The following PHRF1 variants were observed in gnomAD, a reference collection of about 807,000 sequenced individuals.
PHRF1 encodes PHD and ring finger domains 1.
Under a neutral mutation model 128.9 loss-of-function variants are expected in PHRF1, and 53 were observed. That is an observed-to-expected ratio of 0.41 (90% CI 0.33 to 0.52). The LOEUF (loss-of-function observed/expected upper bound fraction) is 0.52. Ranked by LOEUF, PHRF1 falls within the 20% of genes least tolerant of loss-of-function variation. The pLI is 0.21. For synonymous variants in PHRF1, 1,178 were observed against 980.6 expected (o/e 1.20, Z -3.76); for missense variants, 2,503 against 2,284.5 (o/e 1.10, Z -1.95).
At chr11:582,588 G>A (rs1854272703) in intron 3 of PHRF1, among the ~76,000 whole-genome samples, 1 of 151,222 alleles carries the variant, frequency 6.6e-6, no homozygotes, top group Non-Finnish European at 1.5e-5. Flanking sequence ...GCAGTGGCGC[G>A]ATCTCGGCTC....
chr11:581,407 G>T, intron 1 of PHRF1, 85 bp from the exon 2 acceptor site: 1 of 1,115,396 alleles, frequency 9.0e-7, no homozygotes, highest in Non-Finnish European at 1.3e-6. Flanking sequence ...CGGGGATGTG[G>T]CCTGTGGGGA....
intron 3 of PHRF1, 79 bp downstream of exon 3, chr11:582,160 G>C: frequency 6.5e-7 from 1 of 1,540,446 alleles, no homozygotes; most frequent in Non-Finnish European, 8.7e-7. Context: ...CACATCCTCC[G>C]TGAGAGTGCT....
chr11:606,703 G>A, intron 13 of PHRF1, 107 bp downstream of exon 13: 1 of 1,408,652 alleles, frequency 7.1e-7, no homozygotes, highest in Non-Finnish European at 9.4e-7. Context: ...AGCTGAAGTT[G>A]GGGGGACCAT....
Position 610,506 on chromosome 11 carries a change from C to T in PHRF1, c.4422C>T (p.Tyr1474=). The stretch of plus-strand genomic sequence containing the variant: ...AGCAGGGGTGTCCCTCCCAGGTTTA[C>T]AGCCCCGGCCTGCCGCCTGCCCCGG... The part of the protein sequence containing the change: ...GFPDTDPSQV[Y]SPGLPPAPAQ... The change falls in exon 16 of 18, where the codon TAC becomes TAT. Residue 1474 remains tyrosine (Y), a synonymous_variant. Coordinates refer to ENST00000264555, the MANE Select transcript of PHRF1 (RefSeq NM_001286581.2). The T allele has an allele frequency of 6.2e-7, 1 of 1,602,424 alleles. No homozygotes were observed. The highest frequency in any genetic ancestry group is 1.1e-5 in the South Asian group (1 of 90,752).
At chr11:605,775 G>A (rs1266187890) in intron 12 of PHRF1, 51 bp downstream of exon 12, 11 of 1,559,658 alleles carry the variant, frequency 7.1e-6, no homozygotes, top group Admixed American at 1.9e-5. Flanking sequence ...GTTGGGCATC[G>A]GATGGGAGTT....
At position 609,218 on chromosome 11, in the gene PHRF1, GGAC is replaced by G. The variant is rs1564870155; in HGVS notation, c.3766_3768del (p.Asp1256del). The G allele has an allele frequency of 3.1e-6, 5 of 1,609,626 alleles. No individual in the cohort carries two copies. Among genetic ancestry groups the G allele is most frequent in the African/African-American group, 1.3e-5 (1 of 74,934 alleles). Reference sequence around the variant, plus strand: ...TGGAGGTGGCAGCTGAGTGTGAGCCGGACGACCTGGACCTGGATTATGGCGACT... The same window carrying G: ...TGGAGGTGGCAGCTGAGTGTGAGCCGGACCTGGACCTGGATTATGGCGACT... On this transcript the variant is annotated inframe_deletion, in exon 14 of 18. Coordinates refer to ENST00000264555, the MANE Select transcript of PHRF1 (RefSeq NM_001286581.2).
chr11:583,966 C>G (rs1388995562), intron 3 of PHRF1, among the ~76,000 whole-genome samples: 1 of 152,232 alleles, frequency 6.6e-6, no homozygotes, highest in African/African-American at 2.4e-5. Flanking sequence ...CCATGGTCCT[C>G]AAGTGGCTAC....
rs113490019 is a variant in PHRF1 at position 585,824 on chromosome 11, G to A, written c.215-1435G>A. 9.2e-3 allele frequency among the ~76,000 whole-genome samples: 1,402 copies of A among 151,784 alleles called. 17 individuals are homozygous for A. Among genetic ancestry groups the A allele is most frequent in the African/African-American group, 0.032 (1,331 of 41,326 alleles). On this transcript the variant is annotated intron_variant, in intron 3 of 17. Coordinates refer to ENST00000264555, the MANE Select transcript of PHRF1 (RefSeq NM_001286581.2). ...GCCTCCCAAGTAGCTGGGACTATAG[G>A]CACCTGCCACCGCGTCCAGCTAATT...
rs992555030 is a variant in PHRF1 at position 611,534 on chromosome 11, C to T, written c.4807-100C>T. ...CTGCGTGCTGCACCTAGGGCCTGCT[C>T]CTGAGCAGGGCAGGCGAGGGAGCCC... On this transcript the variant is annotated intron_variant, in intron 17 of 17. Transcript: ENST00000264555. The T allele has an allele frequency of 1.1e-5, 17 of 1,547,064 alleles. No individual in the cohort carries two copies. In the African/African-American group the frequency reaches 1.9e-4, roughly 17 times the overall value.
At chr11:592,777 G>A in intron 6 of PHRF1, 103 bp downstream of exon 6, 2 of 1,287,534 alleles carry the variant, frequency 1.6e-6, no homozygotes, top group South Asian at 1.2e-5. Flanking sequence ...CTGAGTCCCA[G>A]CACCTGGAGC....
Position 598,495 on chromosome 11 carries a change from G to A in PHRF1, c.1017G>A (p.Arg339=), listed in dbSNP as rs1446451254. 6.2e-7 allele frequency: 1 copy of A among 1,608,214 alleles called. No homozygotes were observed. The highest frequency in any genetic ancestry group is 8.5e-7 in the Non-Finnish European group (1 of 1,179,176). The change falls in exon 9 of 18, where the codon AGG becomes AGA. Residue 339 remains arginine, a synonymous_variant. Transcript: ENST00000264555. ...LTPRTPARRK[R]KTRRRKKVPG... ...CGCGCACTCCCGCCCGACGGAAGAGGAAGACAAGTAAGCCTGAAGGGATGG... is the reference window on the plus strand; with the variant it reads ...CGCGCACTCCCGCCCGACGGAAGAGAAAGACAAGTAAGCCTGAAGGGATGG...
intron 4 of PHRF1, among the ~76,000 whole-genome samples, chr11:589,270 G>A (rs1427939573): frequency 6.6e-6 from 1 of 152,180 alleles, no homozygotes; most frequent in African/African-American, 2.4e-5. Flanking sequence ...CATTTAAAGA[G>A]CTTTTCTAAC....
rs1856351056 is a variant in PHRF1, at chr11:610,946, C to T, written c.4678-8C>T. The T allele has an allele frequency of 1.9e-6, 3 of 1,612,506 alleles. No homozygotes were observed. The highest frequency in any genetic ancestry group is 1.3e-5 in the African/African-American group (1 of 75,024). On this transcript the variant is annotated splice_region_variant and splice_polypyrimidine_tract_variant and intron_variant, in intron 16 of 17. Coordinates refer to ENST00000264555, the MANE Select transcript of PHRF1 (RefSeq NM_001286581.2). ...TTCCTGGCCGCATCACACACATGTC[C>T]CCTCTAGTACATGAAGAAGCTGCAC...
Position 610,706 on chromosome 11 carries a change from C to G in PHRF1, c.4622C>G (p.Ser1541Trp). The G allele has an allele frequency of 6.2e-7, 1 of 1,603,360 alleles. No individual in the cohort carries two copies. Among genetic ancestry groups the G allele is most frequent in the Non-Finnish European group, 8.5e-7 (1 of 1,179,778 alleles). Residue 1541 changes from serine to tryptophan, a missense_variant, in exon 16 of 18, where the codon TCG (serine) becomes TGG (tryptophan). Transcript: ENST00000264555. ...AGTCAAGCCACTGCAGCCAGCAACT[C>G]GGAGGAGAAGACCCCGGCCCCCAGG... is the stretch of plus-strand genomic sequence containing the variant. Reference protein sequence around the residue: ...PASQATAASNSEEKTPAPRLA... With the variant: ...PASQATAASNWEEKTPAPRLA...
At chr11:600,328 A>G (rs537242288) in intron 9 of PHRF1, among the ~76,000 whole-genome samples, 2 of 149,278 alleles carry the variant, frequency 1.3e-5, no homozygotes, top group African/African-American at 4.9e-5. Flanking sequence ...GCTCACTGCA[A>G]CCTCTGCCTC....
chr11:595,419 CA>C (rs1855223145), intron 6 of PHRF1, among the ~76,000 whole-genome samples: 1 of 152,128 alleles, frequency 6.6e-6, no homozygotes, highest in African/African-American at 2.4e-5. Context: ...GTGTGTTCAC[CA>C]GGGAGGCAGT....
At position 587,430 on chromosome 11, in the gene PHRF1, A is replaced by T; in HGVS notation, c.386A>T (p.Tyr129Phe). Residue 129 changes from tyrosine to phenylalanine, a missense_variant, in exon 4 of 18, where the codon TAC becomes TTC. Coordinates refer to ENST00000264555, the MANE Select transcript of PHRF1 (RefSeq NM_001286581.2). ...AVGTPENCAHYFCLDCIVEWS... is the reference protein window; with the variant it reads ...AVGTPENCAHFFCLDCIVEWS... ...GGGACGCCGGAGAACTGTGCCCATT[A>T]CTTCTGCCTGGACTGCATTGTCGAA... The T allele has an allele frequency of 1.9e-6, 3 of 1,613,462 alleles. No individual in the cohort carries two copies. Among genetic ancestry groups the T allele is most frequent in the Non-Finnish European group, 2.5e-6 (3 of 1,179,868 alleles).
At chr11:600,900 A>G (rs897020965) in intron 9 of PHRF1, among the ~76,000 whole-genome samples, 1 of 151,980 alleles carries the variant, frequency 6.6e-6, no homozygotes, top group Non-Finnish European at 1.5e-5. Flanking sequence ...TGGGAGGCAG[A>G]GATTGCAGTG....
chr11:607,285 C>G lies in PHRF1; in HGVS notation c.1829C>G (p.Ala610Gly). The G allele has an allele frequency of 6.2e-7, 1 of 1,612,694 alleles. No homozygotes were observed. The highest frequency in any genetic ancestry group is 8.5e-7 in the Non-Finnish European group (1 of 1,179,888). The change falls in exon 14 of 18, where the codon GCG becomes GGG. Residue 610 changes from alanine to glycine, a missense_variant. By Grantham distance (60) the Ala-to-Gly change is moderately conservative. Coordinates refer to ENST00000264555, the MANE Select transcript of PHRF1 (RefSeq NM_001286581.2). ...CTGGACTTGCCAGCAGCCCCTGGGG[C>G]GGTTCAGGCTCGGAACTTGTCAAAT... ...VRLDLPAAPG[A>G]VQARNLSNGS...
Sources: gnomAD v4.1 joint callset for allele counts (sites outside exome capture counted in the v4.1 genomes callset) on GRCh38, gnomAD v4.1.1 for gene constraint, MANE v1.5 for transcripts, NCBI Gene and HGNC (gene_info 2026-07-23, HGNC 2026-07-21) for gene names.